PBX1: variants seen among roughly 807,000 people sequenced by gnomAD.
The protein encoded by PBX1 is PBX homeobox 1.
In PBX1, 6 loss-of-function variants were observed where a neutral mutation model predicts 53.4. The observed-to-expected ratio is 0.11, with a 90% CI of 0.06 to 0.22. PBX1 has a LOEUF of 0.22. Among genes scored for constraint, PBX1 ranks in the 10% least tolerant of loss-of-function variants. The pLI, the probability that PBX1 is intolerant of heterozygous loss-of-function variation, is 1.00. For missense variants in PBX1, 251 were observed against 551.4 expected, an observed-to-expected ratio of 0.46 and a Z score of 5.46; for synonymous variants, 204 against 212.3, an observed-to-expected ratio of 0.96 and a Z score of 0.34.
intron 2 of PBX1, among the ~76,000 whole-genome samples, chr1:164,631,571 T>G (rs1658413086): frequency 6.6e-6 from 1 of 152,218 alleles, no homozygotes. Context: ...TTGGAGAAGC[T>G]CATTTCTGCT....
rs71583414 is a variant in PBX1 at position 164,603,929 on chromosome 1, ATTTTTTTTTT to A, written c.265+40642_265+40651del. On this transcript the variant is annotated intron_variant, in intron 2 of 8. Transcript: ENST00000420696. ...GACACTCTGTACATTATGTCATTTC[ATTTTTTTTTT>A]TTTTTTTTTTTTTTTTTTTTTTTAG... 7.9e-3 allele frequency among the ~76,000 whole-genome samples: 600 copies of A among 75,726 alleles called. 1 individual carries two copies. Among genetic ancestry groups the A allele is most frequent in the African/African-American group, 0.034 (548 of 16,184 alleles). 49.7% of individuals were successfully genotyped at this position (75,726 alleles called of 152,430 possible). A position where few individuals can be genotyped will look rare whatever the true frequency, so the allele number is the denominator to read the frequency against.
chr1:164,595,253 G>T (rs1370966358), intron 2 of PBX1, among the ~76,000 whole-genome samples: 5 of 152,134 alleles, frequency 3.3e-5, no homozygotes, highest in Admixed American at 6.5e-5. Context: ...AGCTTCCCTG[G>T]TACAACTCTA....
intron 4 of PBX1, among the ~76,000 whole-genome samples, chr1:164,803,547 T>A (rs773498864): frequency 6.6e-6 from 1 of 152,032 alleles, no homozygotes; most frequent in Non-Finnish European, 1.5e-5. Flanking sequence ...CTGTGGCGGA[T>A]GTTGTGGGAG....
In PBX1 at chr1:164,792,671, C is replaced by T; in HGVS notation, c.443C>T (p.Ser148Leu). ...GAGSDNSVEH[S>L]DYRAKLSQIR... The stretch of plus-strand genomic sequence containing the variant: ...GGTTCAGACAACTCAGTGGAGCATT[C>T]AGATTACAGAGCCAAACTCTCACAG... Residue 148 changes from serine to leucine, a missense_variant, in exon 3 of 9, where the codon TCA becomes TTA. Around this residue, in one of 4 missense-constraint regions of PBX1, gnomAD observed 76 missense variants for 197.5 expected, o/e 0.38. Coordinates refer to ENST00000420696, the MANE Select transcript of PBX1 (RefSeq NM_002585.4). 6.2e-7 allele frequency: 1 copy of T among 1,614,010 alleles called. No homozygotes were observed. Among genetic ancestry groups the T allele is most frequent in the Non-Finnish European group, 8.5e-7 (1 of 1,179,928 alleles).
At chr1:164,741,164 A>G (rs967909078) in intron 2 of PBX1, among the ~76,000 whole-genome samples, 17 of 152,238 alleles carry the variant, frequency 1.1e-4, no homozygotes, top group Admixed American at 9.2e-4. Context: ...GAAGTTGCTC[A>G]AGGATATAAC....
chr1:164,635,326 C>T lies in PBX1; in HGVS notation c.265+72015C>T, dbSNP rs541225292. The stretch of plus-strand genomic sequence containing the variant: ...GGTATCTGTTTTAAAAAGTGGGGGG[C>T]GAGGGGGGAGGGAGGGGAACCAGGC... On this transcript the variant is annotated intron_variant, in intron 2 of 8. Transcript: ENST00000420696. Among the ~76,000 whole-genome samples, 222 of 151,064 alleles carry T rather than the reference C, an allele frequency of 1.5e-3. 5 individuals are homozygous for T. The South Asian group carries it at 0.042, about 28-fold the overall frequency.
At chr1:164,667,077 T>G (rs1204139782) in intron 2 of PBX1, among the ~76,000 whole-genome samples, 1 of 152,206 alleles carries the variant, frequency 6.6e-6, no homozygotes, top group African/African-American at 2.4e-5. Context: ...GTTCTGCCCA[T>G]TCTAGTTAAT....
At chr1:164,595,304 G>A (rs990800434) in intron 2 of PBX1, among the ~76,000 whole-genome samples, 1 of 152,294 alleles carries the variant, frequency 6.6e-6, no homozygotes, top group Non-Finnish European at 1.5e-5. Flanking sequence ...CGTGGAAGCC[G>A]TGATCAGAGC....
intron 2 of PBX1, among the ~76,000 whole-genome samples, chr1:164,762,266 T>A (rs1458273592): frequency 2.0e-5 from 3 of 152,198 alleles, no homozygotes; most frequent in Admixed American, 2.0e-4. Flanking sequence ...GTTGGAATGT[T>A]ACAGTAAGAG....
intron 2 of PBX1, among the ~76,000 whole-genome samples, chr1:164,573,277 A>G (rs748283783): frequency 2.8e-4 from 43 of 151,978 alleles, no homozygotes; most frequent in Non-Finnish European, 5.0e-4. Context: ...AAATTTAATG[A>G]TTTAAATTTT....
chr1:164,855,821 G>A (rs143254269), downstream of PBX1, among the ~76,000 whole-genome samples: 952 of 152,274 alleles, frequency 6.3e-3, 10 homozygotes, highest in African/African-American at 0.021. Flanking sequence ...GAAACAATCC[G>A]ATCTATGCAT....
At chr1:164,754,952 T>C (rs1484346753) in intron 2 of PBX1, among the ~76,000 whole-genome samples, 1 of 152,196 alleles carries the variant, frequency 6.6e-6, no homozygotes, top group Non-Finnish European at 1.5e-5. Context: ...AATGTGGTGC[T>C]AAGAATTAAA....
At chr1:164,633,996 G>T (rs1658581923) in intron 2 of PBX1, among the ~76,000 whole-genome samples, 1 of 152,210 alleles carries the variant, frequency 6.6e-6, no homozygotes, top group African/African-American at 2.4e-5. Flanking sequence ...GAGCTCTGTT[G>T]TAACAGTCCC....
At chr1:164,737,297 AAAC>A (rs1665347600) in intron 2 of PBX1, among the ~76,000 whole-genome samples, 1 of 152,216 alleles carries the variant, frequency 6.6e-6, no homozygotes, top group Non-Finnish European at 1.5e-5. Context: ...TCTAAATAAA[AAAC>A]TAAATTAGGA....
chr1:164,601,051 C>A (rs1656133270), intron 2 of PBX1, among the ~76,000 whole-genome samples: 1 of 151,814 alleles, frequency 6.6e-6, no homozygotes, highest in Non-Finnish European at 1.5e-5. Flanking sequence ...CCAGCCTAAC[C>A]AGTGTGGTGA....
At chr1:164,857,660 C>T (rs1027953279) in intron 2 of PBX1, among the ~76,000 whole-genome samples, 1 of 152,268 alleles carries the variant, frequency 6.6e-6, no homozygotes, top group East Asian at 1.9e-4. Flanking sequence ...ACAAAAGACT[C>T]TCCTATCACC....
At chr1:164,723,161 G>A (rs1173721520) in intron 2 of PBX1, among the ~76,000 whole-genome samples, 1 of 152,172 alleles carries the variant, frequency 6.6e-6, no homozygotes, top group African/African-American at 2.4e-5. Flanking sequence ...TGGGCATTAT[G>A]CATCTGTCAC....
intron 2 of PBX1, among the ~76,000 whole-genome samples, chr1:164,689,514 A>G (rs1282898985): frequency 6.6e-6 from 1 of 152,156 alleles, no homozygotes; most frequent in Non-Finnish European, 1.5e-5. Context: ...TCAGATGCCA[A>G]TCCAGATGAA....
chr1:164,646,712 TTAAATCC>T (rs1316938469), intron 2 of PBX1, among the ~76,000 whole-genome samples: 1 of 152,244 alleles, frequency 6.6e-6, no homozygotes, highest in East Asian at 1.9e-4. Context: ...TTATGGGGTC[TTAAATCC>T]ATTTCAGGAT....
Sources: allele counts gnomAD v4.1 joint callset (sites outside exome capture counted in the v4.1 genomes callset), GRCh38; gene constraint gnomAD v4.1.1; regional missense constraint gnomAD v4.1.1; transcripts MANE v1.5; gene names NCBI Gene and HGNC (gene_info 2026-07-23, HGNC 2026-07-21).